STIM2: variants seen among roughly 807,000 people sequenced by gnomAD.
STIM2 encodes stromal interaction molecule 2.
In STIM2, 31 loss-of-function variants were observed where a neutral mutation model predicts 85.8. That is an observed-to-expected ratio of 0.36 (90% CI 0.27 to 0.49). The LOEUF is 0.49. STIM2 is among the 20% of genes least tolerant of loss of function. STIM2 has a pLI of 0.98. For synonymous variants in STIM2, 356 were observed against 331.1 expected (o/e 1.08, Z -0.82); for missense variants, 841 against 927.6 (o/e 0.91, Z 1.21).
At chr4:26,895,384 T>G (rs1406689630) in intron 1 of STIM2, among the ~76,000 whole-genome samples, 1 of 152,162 alleles carries the variant, frequency 6.6e-6, no homozygotes, top group Non-Finnish European at 1.5e-5. Context: ...ACATAAACGT[T>G]TTTATTTTCA....
intron 2 of STIM2, among the ~76,000 whole-genome samples, chr4:26,948,587 C>A (rs1055317871): frequency 2.0e-5 from 3 of 152,154 alleles, no homozygotes; most frequent in Non-Finnish European, 4.4e-5. Context: ...CATAGTGAGA[C>A]ATTGTCTCTA....
At chr4:26,987,463 A>G (rs1323126760) in intron 3 of STIM2, among the ~76,000 whole-genome samples, 2 of 152,158 alleles carry the variant, frequency 1.3e-5, no homozygotes, top group South Asian at 2.1e-4. Flanking sequence ...CCACAAATGT[A>G]TAGTCCCGCC....
At chr4:26,941,641 G>T (rs1725615077) in intron 2 of STIM2, among the ~76,000 whole-genome samples, 1 of 151,466 alleles carries the variant, frequency 6.6e-6, no homozygotes, top group Non-Finnish European at 1.5e-5. Context: ...CTTAAAAAAG[G>T]ACATTTAAAA....
intron 2 of STIM2, among the ~76,000 whole-genome samples, chr4:26,943,031 T>G (rs1364279966): frequency 6.6e-6 from 1 of 152,150 alleles, no homozygotes; most frequent in Non-Finnish European, 1.5e-5. Context: ...ATGGAGTTGC[T>G]GTTTAAACAG....
intron 1 of STIM2, among the ~76,000 whole-genome samples, chr4:26,872,688 A>G (rs960629301): frequency 6.6e-6 from 1 of 152,224 alleles, no homozygotes; most frequent in Non-Finnish European, 1.5e-5. Context: ...GATGAATGAG[A>G]TTGAGGTTTT....
intron 8 of STIM2, 80 bp downstream of exon 8, chr4:27,007,780 A>C (rs920033219): frequency 1.4e-6 from 2 of 1,382,396 alleles, no homozygotes; most frequent in African/African-American, 2.9e-5. Context: ...TGGGATACAC[A>C]GATCTGAATA....
At chr4:26,897,661 C>G (rs780964139) in intron 1 of STIM2, among the ~76,000 whole-genome samples, 1 of 152,158 alleles carries the variant, frequency 6.6e-6, no homozygotes, top group African/African-American at 2.4e-5. Context: ...TTTATTAGGA[C>G]ATTTGAAAAC....
chr4:27,004,937 C>CA, intron 7 of STIM2, among the ~76,000 whole-genome samples: 1 of 152,200 alleles, frequency 6.6e-6, no homozygotes, highest in African/African-American at 2.4e-5. Context: ...TAGGTATTAT[C>CA]TTCATTTACA....
chr4:27,018,342 T>C (rs563559206), intron 11 of STIM2, among the ~76,000 whole-genome samples: 19 of 152,302 alleles, frequency 1.2e-4, no homozygotes, highest in African/African-American at 4.3e-4. Context: ...GTCAGCTGCA[T>C]GGCGGCTGCT....
chr4:27,013,416 T>G (rs962486435), intron 10 of STIM2, among the ~76,000 whole-genome samples: 1 of 152,080 alleles, frequency 6.6e-6, no homozygotes, highest in African/African-American at 2.4e-5. Flanking sequence ...GTATAGAGTT[T>G]GGGACTATCC....
chr4:26,986,442 T>C (rs893015500), intron 3 of STIM2, among the ~76,000 whole-genome samples: 4 of 152,198 alleles, frequency 2.6e-5, no homozygotes, highest in Non-Finnish European at 4.4e-5. Context: ...TTCACTAGGC[T>C]GTTTTGTATT....
chr4:26,865,006 C>A (rs1445706185), intron 1 of STIM2, among the ~76,000 whole-genome samples: 1 of 152,166 alleles, frequency 6.6e-6, no homozygotes, highest in African/African-American at 2.4e-5. Context: ...AAATAACTTA[C>A]ACATGTTAAT....
At chr4:26,873,903 C>G (rs977872599) in intron 1 of STIM2, 1 of 1,375,630 alleles carries the variant, frequency 7.3e-7, no homozygotes, top group African/African-American at 1.4e-5. Flanking sequence ...GGGTCTGCGG[C>G]TGAGTGGACA....
At chr4:26,942,876 G>A (rs1725668006) in intron 2 of STIM2, among the ~76,000 whole-genome samples, 1 of 152,024 alleles carries the variant, frequency 6.6e-6, no homozygotes, top group South Asian at 2.1e-4. Context: ...CCCTGTAACC[G>A]AGTCCTGAGC....
Position 26,861,900 on chromosome 4 carries a change from C to T in STIM2, c.151+531C>T, listed in dbSNP as rs149824946. On this transcript the variant is annotated intron_variant, in intron 1 of 11. Transcript: ENST00000467087. ...TAATACCTAGTGATATTAGTGGTTC[C>T]GTGTTAGTATGCAGAAATGCCTAAG... Among the ~76,000 whole-genome samples the T allele has an allele frequency of 3.1e-3, 478 of 151,948 alleles. 2 individuals carry two copies. The highest frequency in any genetic ancestry group is 0.011 in the African/African-American group (457 of 41,396).
intron 1 of STIM2, among the ~76,000 whole-genome samples, chr4:26,880,634 A>AATATATATGTAAATATATAT (rs1560192506): frequency 4.8e-5 from 7 of 147,190 alleles, no homozygotes; most frequent in African/African-American, 1.7e-4. Context: ...TATATATATA[A>AATATATATGTAAATATATAT]ATATATATGT....
intron 1 of STIM2, among the ~76,000 whole-genome samples, chr4:26,876,384 G>C (rs979931825): frequency 6.6e-6 from 1 of 152,094 alleles, no homozygotes; most frequent in Admixed American, 6.5e-5. Context: ...CACTTTTAAG[G>C]TCAAGTGGAC....
At chr4:26,978,305 C>CTA (rs976974054) in intron 3 of STIM2, among the ~76,000 whole-genome samples, 1 of 146,594 alleles carries the variant, frequency 6.8e-6, no homozygotes, top group Non-Finnish European at 1.5e-5. Context: ...AAATATAAAT[C>CTA]TATATATATG....
intron 1 of STIM2, among the ~76,000 whole-genome samples, chr4:26,915,475 TC>T (rs1279977870): frequency 2.0e-4 from 30 of 152,288 alleles, no homozygotes; most frequent in Admixed American, 1.9e-3. Flanking sequence ...CCTCAGGTGA[TC>T]CGCCTGCCTC....
Sources: gnomAD v4.1 joint callset for allele counts (sites outside exome capture counted in the v4.1 genomes callset) on GRCh38, gnomAD v4.1.1 for gene constraint, MANE v1.5 for transcripts, NCBI Gene and HGNC (gene_info 2026-07-23, HGNC 2026-07-21) for gene names.